TYW1B: variants seen among roughly 807,000 people sequenced by gnomAD.
The protein encoded by TYW1B is S-adenosyl-L-methionine-dependent tRNA 4-demethylwyosine synthase TYW1B.
TYW1B carries 73 observed loss-of-function variants against 86.9 expected under a neutral mutation model. The observed-to-expected ratio is 0.84, with a 90% CI of 0.70 to 1.02. The LOEUF is 1.02. TYW1B is among the 50% of genes least tolerant of loss of function. The pLI, the probability that TYW1B is intolerant of heterozygous loss-of-function variation, is 0.00. For synonymous variants in TYW1B, 248 were observed against 292.8 expected, an observed-to-expected ratio of 0.85 and a Z score of 1.56; for missense variants, 637 against 827.4, an observed-to-expected ratio of 0.77 and a Z score of 2.82.
rs36077026 is a variant in TYW1B at position 72,750,075 on chromosome 7, A to AT, written c.965-5475dup. Among the ~76,000 whole-genome samples, 22 of 150,004 alleles carry AT rather than the reference A, an allele frequency of 1.5e-4. No homozygotes were observed. The East Asian group carries it at 2.0e-3, about 13-fold the overall frequency. On this transcript the variant is annotated intron_variant, in intron 7 of 13. Coordinates refer to ENST00000620995, the MANE Select transcript of TYW1B (RefSeq NM_001145440.3). ...TGGTGGGGGGGTGGGTATGTGTATA[A>AT]TTTTTTTTTGAGATGGGGTCTTGCT...
intron 10 of TYW1B, among the ~76,000 whole-genome samples, chr7:72,709,519 T>C (rs1814695524): frequency 6.6e-6 from 1 of 151,974 alleles, no homozygotes; most frequent in Admixed American, 6.6e-5. Context: ...ATACAAAAAA[T>C]TAGCTGGGGG....
At chr7:72,641,723 G>A (rs868911121) in intron 11 of TYW1B, among the ~76,000 whole-genome samples, 3 of 152,138 alleles carry the variant, frequency 2.0e-5, no homozygotes, top group Admixed American at 1.3e-4. Flanking sequence ...TTAGGAACTA[G>A]ATAAAGGTGA....
At chr7:72,596,179 CAAAAAAAAAAAAA>C (rs58325295) in intron 13 of TYW1B, among the ~76,000 whole-genome samples, 8 of 56,414 alleles carry the variant, frequency 1.4e-4, no homozygotes, top group Middle Eastern at 0.013. Flanking sequence ...AACTCTGTCT[CAAAAAAAAAAAAA>C]AAAAAAAAAA....
At chr7:72,719,631 C>CAAA (rs67560586) in intron 9 of TYW1B, among the ~76,000 whole-genome samples, 280 of 64,298 alleles carry the variant, frequency 4.4e-3, no homozygotes, top group African/African-American at 5.0e-3. Context: ...ATTCCGTCTC[C>CAAA]AAAAAAAAAA....
intron 13 of TYW1B, among the ~76,000 whole-genome samples, chr7:72,597,382 A>C (rs1216735460): frequency 6.6e-6 from 1 of 152,224 alleles, no homozygotes; most frequent in African/African-American, 2.4e-5. Flanking sequence ...GGTAGAGTAA[A>C]ATATTATGAG....
At chr7:72,826,240 G>T (rs1460186477) in intron 2 of TYW1B, among the ~76,000 whole-genome samples, 1 of 152,286 alleles carries the variant, frequency 6.6e-6, no homozygotes, top group East Asian at 1.9e-4. Flanking sequence ...TGCCCTTGAA[G>T]ACAAATAATT....
intron 2 of TYW1B, among the ~76,000 whole-genome samples, chr7:72,822,021 G>C: frequency 6.6e-6 from 1 of 151,738 alleles, no homozygotes; most frequent in African/African-American, 2.4e-5. Flanking sequence ...CGAGGCGGGT[G>C]AATCACTTGA....
chr7:72,576,019 T>C (rs1316216415), intron 13 of TYW1B, among the ~76,000 whole-genome samples: 1 of 152,228 alleles, frequency 6.6e-6, no homozygotes, highest in Non-Finnish European at 1.5e-5. Flanking sequence ...TGTTTCCGTG[T>C]TACCATGTGA....
intron 11 of TYW1B, among the ~76,000 whole-genome samples, chr7:72,658,183 G>A (rs1289744955): frequency 6.6e-6 from 1 of 152,102 alleles, no homozygotes; most frequent in Non-Finnish European, 1.5e-5. Flanking sequence ...CCCACGAGGT[G>A]GAACTTGCAG....
intron 3 of TYW1B, among the ~76,000 whole-genome samples, chr7:72,814,355 C>T (rs562803916): frequency 6.6e-6 from 1 of 152,024 alleles, no homozygotes; most frequent in South Asian, 2.1e-4. Context: ...GAGGCCGAGG[C>T]GGGCGGATCA....
chr7:72,756,052 G>A (rs1300466268), intron 7 of TYW1B, among the ~76,000 whole-genome samples: 4 of 152,136 alleles, frequency 2.6e-5, no homozygotes, highest in Admixed American at 6.5e-5. Context: ...ACTAGAAGGA[G>A]CATGTAGAAA....
intron 13 of TYW1B, among the ~76,000 whole-genome samples, chr7:72,595,638 G>A (rs372174808): frequency 2.1e-4 from 32 of 150,920 alleles, no homozygotes; most frequent in African/African-American, 4.1e-4. Flanking sequence ...AGTTGAGACC[G>A]TGCCACTGCA....
chr7:72,697,868 C>T (rs1814359903), intron 10 of TYW1B: 2 of 152,698 alleles, frequency 1.3e-5, no homozygotes, highest in Non-Finnish European at 2.9e-5. Context: ...TAAAAATGTG[C>T]TGATGAACAT....
At chr7:72,710,857 T>G (rs114895042) in intron 10 of TYW1B, among the ~76,000 whole-genome samples, 1 of 152,224 alleles carries the variant, frequency 6.6e-6, no homozygotes, top group Non-Finnish European at 1.5e-5. Flanking sequence ...TGCGAATGTA[T>G]GTGATCAATC....
chr7:72,679,298 A>T (rs1332634875), intron 11 of TYW1B, among the ~76,000 whole-genome samples: 1 of 152,206 alleles, frequency 6.6e-6, no homozygotes, highest in Non-Finnish European at 1.5e-5. Flanking sequence ...TCCGAAAGAA[A>T]TTATTGCACA....
chr7:72,818,309 T>C (rs2129572878), intron 2 of TYW1B, among the ~76,000 whole-genome samples: 1 of 151,824 alleles, frequency 6.6e-6, no homozygotes, highest in South Asian at 2.1e-4. Flanking sequence ...CGGCCGGGCA[T>C]GGTGGCTCAT....
chr7:72,762,217 T>A (rs2129571716), intron 7 of TYW1B, among the ~76,000 whole-genome samples: 1 of 152,310 alleles, frequency 6.6e-6, no homozygotes. Flanking sequence ...ATTTTCCTAC[T>A]CTCAGGTTGG....
At chr7:72,703,022 A>T (rs1368370907) in intron 10 of TYW1B, among the ~76,000 whole-genome samples, 225 of 7,108 alleles carry the variant, frequency 0.032, 5 homozygotes, top group African/African-American at 0.066. Flanking sequence ...ATATATATAT[A>T]TATATTTTTT....
chr7:72,682,562 C>A (rs35384426), intron 11 of TYW1B, among the ~76,000 whole-genome samples: 5 of 152,184 alleles, frequency 3.3e-5, no homozygotes, highest in African/African-American at 9.7e-5. Context: ...TCAGATTTTA[C>A]AACTTAAAAT....
Sources: allele counts gnomAD v4.1 joint callset (sites outside exome capture counted in the v4.1 genomes callset), GRCh38; gene constraint gnomAD v4.1.1; transcripts MANE v1.5; gene names NCBI Gene and HGNC (gene_info 2026-07-23, HGNC 2026-07-21).